Variants in IL6ST observed in about 807,000 individuals in gnomAD.
IL6ST encodes interleukin 6 cytokine family signal transducer.
In IL6ST, 24 loss-of-function variants were observed where a neutral mutation model predicts 91.3. The ratio of observed to expected loss-of-function variants is 0.26; its 90% CI spans 0.19 to 0.37. The LOEUF (loss-of-function observed/expected upper bound fraction) is 0.37, where lower values mean the gene tolerates loss of function less well. Among genes scored for constraint, IL6ST ranks in the 10% least tolerant of loss-of-function variants. The pLI, the probability that IL6ST is intolerant of heterozygous loss-of-function variation, is 1.00. For synonymous variants in IL6ST, 351 were observed against 373.6 expected, an observed-to-expected ratio of 0.94 and a Z score of 0.70; for missense variants, 914 against 1,078.5, an observed-to-expected ratio of 0.85 and a Z score of 2.14.
chr5:55,945,195 T>C (rs183923067), intron 15 of IL6ST, among the ~76,000 whole-genome samples: 1 of 152,136 alleles, frequency 6.6e-6, no homozygotes, highest in East Asian at 1.9e-4. Flanking sequence ...CTAGCCAAAA[T>C]AACTTCTTTA....
At chr5:55,989,156 G>A (rs111357015) in intron 1 of IL6ST, among the ~76,000 whole-genome samples, 13,822 of 113,444 alleles carry the variant, frequency 0.12, 2,476 homozygotes, top group African/African-American at 0.39. Flanking sequence ...AAGTCTCGCA[G>A]AAAAAAAAAA....
Position 55,941,484 on chromosome 5 carries a change from G to C in IL6ST, c.2355C>G (p.Pro785=). 1 of 1,614,170 alleles carries C rather than the reference G, an allele frequency of 6.2e-7. No individual in the cohort carries two copies. Among genetic ancestry groups the C allele is most frequent in the Non-Finnish European group, 8.5e-7 (1 of 1,180,012 alleles). ...QVFSRSESTQ[P]LLDSEERPED... ...CTGGCCGCTCCTCTGAATCTAACAA[G>C]GGCTGGGTAGACTCGGATCTTGAGA... is the stretch of plus-strand genomic sequence containing the variant. The change falls in exon 17 of 17, where the codon CCC becomes CCG. Residue 785 remains proline (P), a synonymous_variant. Coordinates refer to ENST00000381298, the MANE Select transcript of IL6ST (RefSeq NM_002184.4).
chr5:55,946,330 A>G (rs1381125387), intron 15 of IL6ST, among the ~76,000 whole-genome samples: 1 of 152,238 alleles, frequency 6.6e-6, no homozygotes. Flanking sequence ...TATACTTACC[A>G]TATGACCCAG....
chr5:55,988,676 G>A (rs1754132080), intron 1 of IL6ST, among the ~76,000 whole-genome samples: 1 of 149,594 alleles, frequency 6.7e-6, no homozygotes, highest in Non-Finnish European at 1.5e-5. Flanking sequence ...TGAGGCAGGA[G>A]AATCACTTGA....
chr5:55,969,077 C>G (rs1283049026), intron 4 of IL6ST, among the ~76,000 whole-genome samples: 1 of 151,940 alleles, frequency 6.6e-6, no homozygotes, highest in Non-Finnish European at 1.5e-5. Context: ...TGCCTGTAGT[C>G]CCAGCTACTT....
intron 15 of IL6ST, among the ~76,000 whole-genome samples, chr5:55,945,885 G>C (rs1229243240): frequency 6.6e-6 from 1 of 151,862 alleles, no homozygotes; most frequent in Non-Finnish European, 1.5e-5. Context: ...TCCTGACCTT[G>C]TGAGCCGCCC....
intron 9 of IL6ST, among the ~76,000 whole-genome samples, chr5:55,956,823 A>G (rs1752004963): frequency 6.6e-6 from 1 of 152,194 alleles, no homozygotes; most frequent in African/African-American, 2.4e-5. Context: ...ATGAATAAAA[A>G]TTTATCTATT....
At chr5:55,982,021 A>T (rs1753703589) in intron 2 of IL6ST, among the ~76,000 whole-genome samples, 1 of 152,074 alleles carries the variant, frequency 6.6e-6, no homozygotes, top group Non-Finnish European at 1.5e-5. Context: ...AAAGTTCATA[A>T]ATGATTTATT....
chr5:55,958,603 C>T (rs1176999466), intron 8 of IL6ST, among the ~76,000 whole-genome samples: 2 of 151,854 alleles, frequency 1.3e-5, no homozygotes, highest in African/African-American at 2.4e-5. Context: ...TTTGGGAGGC[C>T]GAGGGATGTG....
At chr5:55,983,743 T>G (rs750958261) in intron 1 of IL6ST, among the ~76,000 whole-genome samples, 7 of 152,198 alleles carry the variant, frequency 4.6e-5, no homozygotes, top group Non-Finnish European at 1.0e-4. Context: ...ATAACTACCA[T>G]GAACATTTTG....
At chr5:55,953,819 T>C (rs1274747735) in intron 11 of IL6ST, among the ~76,000 whole-genome samples, 3 of 152,132 alleles carry the variant, frequency 2.0e-5, no homozygotes, top group African/African-American at 7.2e-5. Flanking sequence ...TGAGATTCCC[T>C]CTCTACAAAA....
chr5:55,967,677 TC>T (rs1400585771), intron 5 of IL6ST, among the ~76,000 whole-genome samples: 1 of 152,150 alleles, frequency 6.6e-6, no homozygotes, highest in Admixed American at 6.6e-5. Context: ...CGCGATTCTC[TC>T]TTCAAGACAA....
rs545143941 is a variant in IL6ST, at chr5:55,944,389, A to T, written c.1938-1638T>A. ...TCAGTATACATGATGAATATATTTT[A>T]AAAAATCAATTGCATTTCTATATAC... On this transcript the variant is annotated intron_variant, in intron 15 of 16. Coordinates refer to ENST00000381298, the MANE Select transcript of IL6ST (RefSeq NM_002184.4). Among the ~76,000 whole-genome samples, 22 of 152,358 alleles carry T rather than the reference A, an allele frequency of 1.4e-4. No homozygotes were observed. In the South Asian group the frequency reaches 4.1e-3, roughly 29 times the overall value.
In IL6ST at chr5:55,941,570, C is replaced by T. The variant is rs2111585945; in HGVS notation, c.2269G>A (p.Val757Ile). The change falls in exon 17 of 17, where the codon GTC (valine) becomes ATC (isoleucine). Residue 757 changes from valine (V) to isoleucine (I), a missense_variant. Coordinates refer to ENST00000381298, the MANE Select transcript of IL6ST (RefSeq NM_002184.4). ...NESSQNTSST[V>I]QYSTVVHSGY... ...CTGTGTACCACGGTAGAATACTGGA[C>T]AGTGCTCGAAGTGTTTTGTGAAGAT... is the stretch of plus-strand genomic sequence containing the variant. The T allele has an allele frequency of 6.2e-7, 1 of 1,614,180 alleles. No homozygotes were observed. The highest frequency in any genetic ancestry group is 8.5e-7 in the Non-Finnish European group (1 of 1,180,012).
At chr5:55,950,671 T>C (rs1221832739) in intron 14 of IL6ST, among the ~76,000 whole-genome samples, 1 of 149,638 alleles carries the variant, frequency 6.7e-6, no homozygotes, top group African/African-American at 2.5e-5. Flanking sequence ...GTTTCAAGGA[T>C]GGAAGGCCAA....
chr5:55,945,040 C>CAAAAAA (rs368225632), intron 15 of IL6ST, among the ~76,000 whole-genome samples: 3 of 71,938 alleles, frequency 4.2e-5, no homozygotes, highest in African/African-American at 6.8e-5. Context: ...GGAATTAAAT[C>CAAAAAA]AAAAAAAAAA....
rs1750774942 is a variant in IL6ST, at chr5:55,939,879, G to C, written c.*1203C>G. ...TTAAAATACCATCTCTTTATTAAGTGTCTCTACAATAATGATATTTGCTAA... is the reference window on the plus strand; with the variant it reads ...TTAAAATACCATCTCTTTATTAAGTCTCTCTACAATAATGATATTTGCTAA... On this transcript the variant is annotated 3_prime_UTR_variant, in exon 17 of 17. Transcript: ENST00000381298. 4.9e-6 allele frequency: 1 copy of C among 203,706 alleles called. No individual in the cohort carries two copies. Among genetic ancestry groups the C allele is most frequent in the Non-Finnish European group, 1.0e-5 (1 of 99,272 alleles). The allele number at this position is 203,706 out of a possible 1,614,324, so 12.6% of individuals were successfully genotyped here. A position where few individuals can be genotyped will look rare whatever the true frequency, so the allele number is the denominator to read the frequency against.
chr5:55,976,307 A>G lies in IL6ST; in HGVS notation c.-15-14T>C, dbSNP rs749376658. ...GCGCGGATATTTCTGCAACAGACAC[A>G]TGTAATATTACTTTTAATATTTTTT... is the stretch of plus-strand genomic sequence containing the variant. On this transcript the variant is annotated splice_polypyrimidine_tract_variant and intron_variant, in intron 2 of 16. Transcript: ENST00000381298. 14 of 1,483,408 alleles carry G rather than the reference A, an allele frequency of 9.4e-6. No homozygotes were observed. The highest frequency in any genetic ancestry group is 1.9e-5 in the Admixed American group (1 of 53,458). 91.9% of individuals were successfully genotyped at this position (1,483,408 alleles called of 1,614,324 possible).
chr5:55,976,296 G>T lies in IL6ST; in HGVS notation c.-15-3C>A. 6.5e-7 allele frequency: 1 copy of T among 1,549,866 alleles called. No homozygotes were observed. The highest frequency in any genetic ancestry group is 8.8e-7 in the Non-Finnish European group (1 of 1,139,182). On this transcript the variant is annotated splice_polypyrimidine_tract_variant and splice_region_variant and intron_variant, in intron 2 of 16. Transcript: ENST00000381298. The stretch of plus-strand genomic sequence containing the variant: ...GTCAACATCTTGCGCGGATATTTCT[G>T]CAACAGACACATGTAATATTACTTT...
Sources: allele counts gnomAD v4.1 joint callset (sites outside exome capture counted in the v4.1 genomes callset), GRCh38; gene constraint gnomAD v4.1.1; transcripts MANE v1.5; gene names NCBI Gene and HGNC (gene_info 2026-07-23, HGNC 2026-07-21).